Variants in WWOX observed in about 807,000 individuals in gnomAD.
WWOX encodes WW domain containing oxidoreductase.
In WWOX, 69 loss-of-function variants were observed where a neutral mutation model predicts 46.2. That is an observed-to-expected ratio of 1.49 (90% confidence interval 1.23 to 1.82). The LOEUF (loss-of-function observed/expected upper bound fraction) is 1.82, where lower values mean the gene tolerates loss of function less well. Among genes scored for constraint, WWOX ranks in the 40% most tolerant of loss-of-function variants. WWOX has a pLI of 0.00. For synonymous variants in WWOX, 359 were observed against 202.6 expected, an observed-to-expected ratio of 1.77 and a Z score of -6.56; for missense variants, 919 against 542.6, an observed-to-expected ratio of 1.69 and a Z score of -6.89.
At chr16:79,062,763 C>T (rs765168973) in intron 8 of WWOX, among the ~76,000 whole-genome samples, 3 of 152,214 alleles carry the variant, frequency 2.0e-5, no homozygotes, top group Non-Finnish European at 4.4e-5. Context: ...AGCCCCGGAA[C>T]ATCACAGGGC....
At chr16:79,035,002 A>C (rs1336183648) in intron 8 of WWOX, among the ~76,000 whole-genome samples, 1 of 152,268 alleles carries the variant, frequency 6.6e-6, no homozygotes, top group Non-Finnish European at 1.5e-5. Flanking sequence ...TAATTCATTA[A>C]TGGTTAATAA....
intron 8 of WWOX, among the ~76,000 whole-genome samples, chr16:79,010,275 C>T (rs1432358878): frequency 7.2e-5 from 11 of 152,200 alleles, no homozygotes; most frequent in African/African-American, 1.7e-4. Flanking sequence ...GAGGAGCAGA[C>T]GAGGGAGACA....
At chr16:78,996,810 C>G (rs1471608838) in intron 8 of WWOX, among the ~76,000 whole-genome samples, 2 of 152,200 alleles carry the variant, frequency 1.3e-5, no homozygotes, top group African/African-American at 2.4e-5. Context: ...AAAGTAGGCA[C>G]TGTTTATAGA....
At chr16:78,173,210 G>C (rs1448585793) in intron 5 of WWOX, among the ~76,000 whole-genome samples, 3 of 152,162 alleles carry the variant, frequency 2.0e-5, no homozygotes, top group African/African-American at 7.2e-5. Flanking sequence ...CCCAGCTTTG[G>C]AGTCATACAG....
At position 78,540,636 on chromosome 16, in the gene WWOX, GCT is replaced by G. The variant is rs1035419228; in HGVS notation, c.1056+107887_1056+107888del. Reference sequence around the variant, plus strand: ...CCTGGGCTTGTTAGCTCCTACCTGAGCTCTGAGTTTCTGTGGATTTCTATAGG... The same window carrying G: ...CCTGGGCTTGTTAGCTCCTACCTGAGCTGAGTTTCTGTGGATTTCTATAGG... On this transcript the variant is annotated intron_variant, in intron 8 of 8. Transcript: ENST00000566780. Among the ~76,000 whole-genome samples, 7 of 151,992 alleles carry G rather than the reference GCT, an allele frequency of 4.6e-5. No individual in the cohort carries two copies. In the South Asian group the frequency reaches 1.5e-3, roughly 32 times the overall value.
intron 8 of WWOX, among the ~76,000 whole-genome samples, chr16:78,459,064 A>G (rs1448512711): frequency 6.6e-6 from 1 of 152,188 alleles, no homozygotes; most frequent in Non-Finnish European, 1.5e-5. Context: ...CCTAAATGGA[A>G]GCCAGCAGAT....
At chr16:79,179,531 G>A (rs530387568) in intron 8 of WWOX, among the ~76,000 whole-genome samples, 1 of 152,292 alleles carries the variant, frequency 6.6e-6, no homozygotes, top group South Asian at 2.1e-4. Context: ...TTTTCCTTCA[G>A]CCTAGCTAAA....
chr16:78,704,828 T>A (rs1160217762), intron 8 of WWOX, among the ~76,000 whole-genome samples: 1 of 152,120 alleles, frequency 6.6e-6, no homozygotes, highest in Non-Finnish European at 1.5e-5. Flanking sequence ...GCTGAGCAGT[T>A]TCAGAGCATT....
intron 8 of WWOX, among the ~76,000 whole-genome samples, chr16:79,164,323 C>T (rs903846683): frequency 5.9e-5 from 9 of 152,192 alleles, no homozygotes; most frequent in Admixed American, 1.3e-4. Flanking sequence ...CCAGTTAAAA[C>T]GGGGAGATGG....
chr16:78,203,503 A>G (rs917938280), intron 5 of WWOX, among the ~76,000 whole-genome samples: 2 of 152,158 alleles, frequency 1.3e-5, no homozygotes, highest in Non-Finnish European at 1.5e-5. Flanking sequence ...TTATGGGGAG[A>G]TATTCGATAT....
At chr16:78,798,595 T>G (rs12448933) in intron 8 of WWOX, among the ~76,000 whole-genome samples, 1,779 of 82,698 alleles carry the variant, frequency 0.022, 39 homozygotes, top group African/African-American at 0.046. Context: ...TGTTGGGTTT[T>G]TTTTTTTTTT....
At chr16:78,538,823 C>G (rs950312753) in intron 8 of WWOX, among the ~76,000 whole-genome samples, 1 of 152,140 alleles carries the variant, frequency 6.6e-6, no homozygotes, top group Non-Finnish European at 1.5e-5. Flanking sequence ...AAATATGTCA[C>G]CTGATATTGG....
chr16:78,109,939 CAGTG>C, intron 3 of WWOX, 104 bp downstream of exon 3: 2 of 1,206,554 alleles, frequency 1.7e-6, no homozygotes, highest in Non-Finnish European at 2.4e-6. Flanking sequence ...CAAAGTATAA[CAGTG>C]TGTATCTGTA....
At chr16:78,408,048 G>T (rs1035794517) in intron 6 of WWOX, among the ~76,000 whole-genome samples, 1 of 152,168 alleles carries the variant, frequency 6.6e-6, no homozygotes, top group African/African-American at 2.4e-5. Context: ...GTCCAGGTGA[G>T]AGTGGCAGGA....
chr16:79,157,755 TGGAG>T (rs2050409734), intron 8 of WWOX, among the ~76,000 whole-genome samples: 1 of 151,838 alleles, frequency 6.6e-6, no homozygotes, highest in Non-Finnish European at 1.5e-5. Flanking sequence ...TATGTCAGAG[TGGAG>T]GGACATGGGG....
At chr16:78,155,102 C>A (rs980240148) in intron 4 of WWOX, among the ~76,000 whole-genome samples, 2 of 152,038 alleles carry the variant, frequency 1.3e-5, no homozygotes, top group Admixed American at 6.5e-5. Context: ...ACACATCTAG[C>A]TTTTGGACCT....
Position 78,542,018 on chromosome 16 carries a change from C to CAAAAAAAAAAAAAAAAA in WWOX, c.1056+109278_1056+109294dup, listed in dbSNP as rs548366256. On this transcript the variant is annotated intron_variant, in intron 8 of 8. Transcript: ENST00000566780. ...GAGGGTTTCTTTCAACAGAGTATAC[C>CAAAAAAAAAAAAAAAAA]AAAAAAAAAAAAAAAAAAAAAAAAA... is the stretch of plus-strand genomic sequence containing the variant. 7.1e-4 allele frequency among the ~76,000 whole-genome samples: 29 copies of CAAAAAAAAAAAAAAAAA among 40,638 alleles called. 1 individual carries two copies. The highest frequency in any genetic ancestry group is 1.9e-3 in the Admixed American group (4 of 2,082). 26.7% of individuals were successfully genotyped at this position (40,638 alleles called of 152,430 possible). A position where few individuals can be genotyped will look rare whatever the true frequency, so the allele number is the denominator to read the frequency against.
At chr16:78,211,954 A>C (rs1329686600) in intron 5 of WWOX, among the ~76,000 whole-genome samples, 1 of 152,234 alleles carries the variant, frequency 6.6e-6, no homozygotes, top group Non-Finnish European at 1.5e-5. Flanking sequence ...GCATGTTAAC[A>C]TCCTGGTAGC....
At chr16:78,485,349 C>T (rs2084605579) in intron 8 of WWOX, among the ~76,000 whole-genome samples, 1 of 152,032 alleles carries the variant, frequency 6.6e-6, no homozygotes, top group African/African-American at 2.4e-5. Flanking sequence ...TGGGCCTGCC[C>T]AGTGAGGTCC....
Sources: allele counts gnomAD v4.1 joint callset (sites outside exome capture counted in the v4.1 genomes callset), GRCh38; gene constraint gnomAD v4.1.1; transcripts MANE v1.5; gene names NCBI Gene and HGNC (gene_info 2026-07-23, HGNC 2026-07-21).